The following DSE variants were observed in gnomAD, a reference collection of about 807,000 sequenced individuals.
DSE encodes the protein dermatan sulfate epimerase.
Under a neutral mutation model 84.4 loss-of-function variants are expected in DSE, and 36 were observed. That is an observed-to-expected ratio of 0.43 (90% CI 0.33 to 0.56). The LOEUF is 0.56. DSE is among the 20% of genes least tolerant of loss of function. DSE has a pLI of 0.06. For synonymous variants in DSE, 410 were observed against 430.1 expected (o/e 0.95, Z 0.58); for missense variants, 862 against 1,169.6 (o/e 0.74, Z 3.84).
At position 116,444,657 on chromosome 6, in the gene DSE, GC is replaced by G. The variant is rs1409934382; in HGVS notation, c.*7315del. The G allele has an allele frequency of 6.6e-6, 1 of 152,190 alleles. No homozygotes were observed. The highest frequency in any genetic ancestry group is 1.5e-5 in the Non-Finnish European group (1 of 68,038). The allele number at this position is 152,190 out of a possible 1,614,324, so 9.4% of individuals were successfully genotyped here. A position where few individuals can be genotyped will look rare whatever the true frequency, so the allele number is the denominator to read the frequency against. On this transcript the variant is annotated 3_prime_UTR_variant, in exon 6 of 6. Coordinates refer to ENST00000644252, the MANE Select transcript of DSE (RefSeq NM_013352.4). ...AAAGTGATTAGGTTATGAAGGTGGA[GC>G]CCTCGTGAATGGGAGTAGTATCCTT...
At chr6:116,406,639 A>AT (rs1468474147) in intron 2 of DSE, among the ~76,000 whole-genome samples, 1 of 152,242 alleles carries the variant, frequency 6.6e-6, no homozygotes, top group Non-Finnish European at 1.5e-5. Flanking sequence ...GAGTATGTTC[A>AT]TGGAGTCCTT....
chr6:116,277,614 C>G (rs899747519), intron 2 of DSE: 3 of 152,132 alleles, frequency 2.0e-5, no homozygotes, highest in African/African-American at 7.2e-5. Context: ...GAAATAAAAA[C>G]CTTGCTTTTA....
rs1479162410 is a variant in DSE at position 116,399,114 on chromosome 6, T to C, written c.-53-84T>C. The C allele has an allele frequency of 7.4e-6, 8 of 1,084,186 alleles. No homozygotes were observed. The East Asian group carries it at 1.5e-4, about 20-fold the overall frequency. The allele number at this position is 1,084,186 out of a possible 1,614,324, so 67.2% of individuals were successfully genotyped here. On this transcript the variant is annotated intron_variant, in intron 1 of 5. Coordinates refer to ENST00000644252, the MANE Select transcript of DSE (RefSeq NM_013352.4). ...AATTCATAAGCTTTATTTTCACATA[T>C]GGTTTCTACCTCTTATATGTTTCCA... is the stretch of plus-strand genomic sequence containing the variant.
chr6:116,287,425 G>T (rs1354797843), intron 2 of DSE, among the ~76,000 whole-genome samples: 4 of 151,814 alleles, frequency 2.6e-5, no homozygotes, highest in African/African-American at 4.8e-5. Context: ...AAATAATTAT[G>T]TATAAGAATG....
At chr6:116,255,649 T>TGAAC (rs1480977825) in intron 1 of DSE, 1 of 152,226 alleles carries the variant, frequency 6.6e-6, no homozygotes, top group African/African-American at 2.4e-5. Context: ...TGTAAACACA[T>TGAAC]AAACAGCGTG....
Position 116,437,255 on chromosome 6 carries a change from A to G in DSE, c.2787A>G (p.Leu929=). Residue 929 remains leucine (L), a synonymous_variant, in exon 6 of 6, where the codon CTA becomes CTG. Transcript: ENST00000644252. ...CTTATTTCCAGAGGGCCCAGAGCCT[A>G]CATGGCCAAAGATGTCTTTATGCAG... ...QLTYFQRAQS[L]HGQRCLYAVL... is the part of the protein sequence containing the mutation. 6.2e-7 allele frequency: 1 copy of G among 1,614,102 alleles called. No homozygotes were observed. Among genetic ancestry groups the G allele is most frequent in the African/African-American group, 1.3e-5 (1 of 75,026 alleles).
chr6:116,297,944 G>A (rs1774771985), intron 2 of DSE, among the ~76,000 whole-genome samples: 1 of 152,186 alleles, frequency 6.6e-6, no homozygotes, highest in Admixed American at 6.5e-5. Context: ...CCTGGGACTA[G>A]TGTTTTCCTG....
chr6:116,303,564 A>T (rs997276509), intron 2 of DSE, among the ~76,000 whole-genome samples: 6 of 152,142 alleles, frequency 3.9e-5, no homozygotes, highest in African/African-American at 7.2e-5. Context: ...GACCAACTGG[A>T]TGGCTGAATG....
At chr6:116,279,814 C>T (rs1269638603) in intron 2 of DSE, 2 of 1,613,036 alleles carry the variant, frequency 1.2e-6, no homozygotes, top group Admixed American at 1.7e-5. Flanking sequence ...CCTCTTGACC[C>T]CATCCAGGCC....
intron 2 of DSE, among the ~76,000 whole-genome samples, chr6:116,304,658 T>C (rs937943561): frequency 6.6e-6 from 1 of 152,342 alleles, no homozygotes; most frequent in Non-Finnish European, 1.5e-5. Context: ...CAAAGCACTG[T>C]GTGCTTCTGG....
intron 2 of DSE, among the ~76,000 whole-genome samples, chr6:116,262,616 G>A (rs1361853217): frequency 6.6e-6 from 1 of 152,146 alleles, no homozygotes; most frequent in East Asian, 1.9e-4. Context: ...ATCTCCTTCA[G>A]TTCAGCCCTG....
intron 1 of DSE, chr6:116,375,600 C>T (rs1309082201): frequency 1.0e-6 from 1 of 968,852 alleles, no homozygotes; most frequent in Admixed American, 6.2e-5. Flanking sequence ...AGAAGAGTGG[C>T]TTGATTAGTT....
chr6:116,304,365 A>ATT lies in DSE; in HGVS notation c.-54+45404_-54+45405dup, dbSNP rs142235013. ...TTAGTCACATGAGTTTGAAATTCAG[A>ATT]TTTTTTTGGATTTTAGACAGGAGAT... On this transcript the variant is annotated intron_variant, in intron 2 of 3. Transcript: ENST00000430252. Among the ~76,000 whole-genome samples the ATT allele has an allele frequency of 2.4e-3, 364 of 151,978 alleles. 1 individual carries two copies. The highest frequency in any genetic ancestry group is 3.9e-3 in the Non-Finnish European group (265 of 67,960).
intron 2 of DSE, chr6:116,279,255 T>C (rs1562198212): frequency 6.2e-6 from 10 of 1,607,984 alleles, no homozygotes; most frequent in African/African-American, 1.3e-5. Flanking sequence ...GCTGCTCCTC[T>C]ACCTCCATCT....
At chr6:116,298,908 C>T (rs1004964676) in intron 2 of DSE, among the ~76,000 whole-genome samples, 3 of 152,138 alleles carry the variant, frequency 2.0e-5, no homozygotes, top group South Asian at 2.1e-4. Context: ...AATAAAAAAT[C>T]GTTTTGGATA....
At chr6:116,336,184 A>G (rs1329480668) in intron 2 of DSE, among the ~76,000 whole-genome samples, 1 of 152,244 alleles carries the variant, frequency 6.6e-6, no homozygotes, top group African/African-American at 2.4e-5. Context: ...TTTAAAATAT[A>G]TATCTTGCAG....
intron 3 of DSE, among the ~76,000 whole-genome samples, chr6:116,429,900 C>T (rs1410478972): frequency 7.0e-5 from 1 of 14,334 alleles, no homozygotes; most frequent in African/African-American, 5.4e-4. Flanking sequence ...TGCAGTGAGC[C>T]GAGATTGCGC....
At chr6:116,329,176 T>C (rs772490285) in intron 2 of DSE, among the ~76,000 whole-genome samples, 5 of 152,258 alleles carry the variant, frequency 3.3e-5, no homozygotes, top group Non-Finnish European at 7.3e-5. Flanking sequence ...GAAGTAATTC[T>C]AACTCTCAAA....
intron 2 of DSE, among the ~76,000 whole-genome samples, chr6:116,272,236 T>C (rs111735105): frequency 2.0e-4 from 30 of 152,352 alleles, no homozygotes; most frequent in African/African-American, 7.0e-4. Flanking sequence ...GTTTCTAGTT[T>C]GGGGCTGTTA....
Sources: gnomAD v4.1 joint callset for allele counts (sites outside exome capture counted in the v4.1 genomes callset) on GRCh38, gnomAD v4.1.1 for gene constraint, MANE v1.5 for transcripts, NCBI Gene and HGNC (gene_info 2026-07-23, HGNC 2026-07-21) for gene names.